DCC: variants seen among roughly 807,000 people sequenced by gnomAD.
DCC encodes netrin receptor DCC.
In DCC, 58 loss-of-function variants were observed where a neutral mutation model predicts 172.5. The ratio of observed to expected loss-of-function variants is 0.34; its 90% CI spans 0.27 to 0.42. The LOEUF (loss-of-function observed/expected upper bound fraction) is 0.42, where lower values mean the gene tolerates loss of function less well. Among genes scored for constraint, DCC ranks in the 10% least tolerant of loss-of-function variants. DCC has a pLI of 1.00. For synonymous variants in DCC, 709 were observed against 644.5 expected, an observed-to-expected ratio of 1.10 and a Z score of -1.52; for missense variants, 1,740 against 1,791.0, an observed-to-expected ratio of 0.97 and a Z score of 0.51.
intron 9 of DCC, among the ~76,000 whole-genome samples, chr18:53,184,362 C>T (rs2055246832): frequency 6.6e-6 from 1 of 152,018 alleles, no homozygotes; most frequent in Admixed American, 6.6e-5. Flanking sequence ...GAAGGAAATA[C>T]ATTCCAAGAA....
intron 7 of DCC, among the ~76,000 whole-genome samples, chr18:53,132,361 G>A (rs1394838166): frequency 1.3e-5 from 2 of 152,044 alleles, no homozygotes; most frequent in African/African-American, 4.8e-5. Flanking sequence ...GAGTCGACCT[G>A]AGCTGCTGTA....
chr18:52,858,146 T>A (rs1420498438), intron 2 of DCC, among the ~76,000 whole-genome samples: 1 of 152,238 alleles, frequency 6.6e-6, no homozygotes, highest in Non-Finnish European at 1.5e-5. Context: ...ATTTACTGCA[T>A]ACAGCAATCA....
At chr18:53,261,356 G>A (rs1236320526) in intron 12 of DCC, among the ~76,000 whole-genome samples, 1 of 152,170 alleles carries the variant, frequency 6.6e-6, no homozygotes, top group African/African-American at 2.4e-5. Flanking sequence ...ACACCCTCGT[G>A]AGGACGTTTT....
At chr18:52,611,134 C>G (rs55810244) in intron 1 of DCC, among the ~76,000 whole-genome samples, 1 of 151,858 alleles carries the variant, frequency 6.6e-6, no homozygotes, top group African/African-American at 2.4e-5. Flanking sequence ...CTTCAGTGAC[C>G]CCCCCCTCCT....
chr18:53,117,134 G>A (rs1568314611), intron 7 of DCC, among the ~76,000 whole-genome samples: 1 of 151,622 alleles, frequency 6.6e-6, no homozygotes, highest in African/African-American at 2.4e-5. Flanking sequence ...ATTCTCCATT[G>A]AAGGCATCCA....
intron 1 of DCC, among the ~76,000 whole-genome samples, chr18:52,670,127 G>A (rs774570214): frequency 3.3e-5 from 5 of 152,220 alleles, no homozygotes; most frequent in South Asian, 4.1e-4. Flanking sequence ...CCAAGATGAC[G>A]CAACCTCTGT....
chr18:52,998,210 C>T (rs552667213), intron 5 of DCC, among the ~76,000 whole-genome samples: 1 of 151,990 alleles, frequency 6.6e-6, no homozygotes, highest in Non-Finnish European at 1.5e-5. Flanking sequence ...AGAATATTTC[C>T]ATCACTGTGG....
At chr18:52,448,759 G>T (rs1988209225) in intron 1 of DCC, among the ~76,000 whole-genome samples, 1 of 152,202 alleles carries the variant, frequency 6.6e-6, no homozygotes, top group South Asian at 2.1e-4. Flanking sequence ...CATTCTGAAT[G>T]GAGTGAGTAA....
At chr18:53,049,340 C>T (rs775104523) in intron 5 of DCC, among the ~76,000 whole-genome samples, 6 of 152,050 alleles carry the variant, frequency 3.9e-5, no homozygotes, top group African/African-American at 1.4e-4. Flanking sequence ...AGTCTTTAAT[C>T]CATCTTGAGT....
Position 52,792,501 on chromosome 18 carries a change from T to A in DCC, c.412+40127T>A, listed in dbSNP as rs566877983. Among the ~76,000 whole-genome samples the A allele has an allele frequency of 2.0e-5, 3 of 152,244 alleles. No homozygotes were observed. The East Asian group carries it at 5.8e-4, about 30-fold the overall frequency. ...GTAGCCCCAGCCAGAAGTTCTCAGT[T>A]GCCCCAGGACTTCTTCCAGCCCCAT... On this transcript the variant is annotated intron_variant, in intron 2 of 28. Transcript: ENST00000442544.
intron 5 of DCC, among the ~76,000 whole-genome samples, chr18:53,016,665 A>G (rs1182580886): frequency 1.3e-5 from 2 of 152,092 alleles, no homozygotes; most frequent in Non-Finnish European, 2.9e-5. Flanking sequence ...TTATAATGGG[A>G]GTGAGAGTAC....
intron 1 of DCC, among the ~76,000 whole-genome samples, chr18:52,610,577 G>C (rs56105605): frequency 1.3e-5 from 2 of 151,694 alleles, no homozygotes; most frequent in Non-Finnish European, 2.9e-5. Flanking sequence ...ATATACAGCA[G>C]AACAATCGTT....
intron 1 of DCC, among the ~76,000 whole-genome samples, chr18:52,638,170 C>A (rs1009819264): frequency 3.3e-5 from 5 of 152,116 alleles, no homozygotes; most frequent in Non-Finnish European, 7.4e-5. Context: ...AAAAGGAGCT[C>A]TAAATCTTGA....
intron 11 of DCC, among the ~76,000 whole-genome samples, chr18:53,212,402 C>G (rs1321003294): frequency 1.3e-5 from 2 of 151,402 alleles, no homozygotes; most frequent in African/African-American, 4.9e-5. Context: ...TCTTCACTTT[C>G]ACCTAGCCCT....
At chr18:52,755,010 G>A (rs1205759412) in intron 2 of DCC, among the ~76,000 whole-genome samples, 5 of 152,184 alleles carry the variant, frequency 3.3e-5, no homozygotes, top group Non-Finnish European at 5.9e-5. Context: ...TGAGTATAAA[G>A]TGTAGAGAGA....
At position 52,343,964 on chromosome 18, in the gene DCC, T is replaced by C. The variant is rs558788883; in HGVS notation, c.91+3086T>C. 2.6e-5 allele frequency among the ~76,000 whole-genome samples: 4 copies of C among 152,300 alleles called. No homozygotes were observed. The East Asian group carries it at 7.7e-4, about 30-fold the overall frequency. ...AATCACCAGTACCTGTCAGTGTCCA[T>C]TTCCCACACAGCAGCAGCTGCCCTC... On this transcript the variant is annotated intron_variant, in intron 1 of 28. Coordinates refer to ENST00000442544, the MANE Select transcript of DCC (RefSeq NM_005215.4).
intron 5 of DCC, among the ~76,000 whole-genome samples, chr18:53,007,113 T>C (rs1156277558): frequency 6.6e-6 from 1 of 152,162 alleles, no homozygotes; most frequent in Admixed American, 6.5e-5. Flanking sequence ...GGCTGAAGTT[T>C]GTATGTACTC....
At position 53,205,375 on chromosome 18, in the gene DCC, G is replaced by A. The variant is rs1433979089; in HGVS notation, c.1722+11G>A. ...ACAGGAAAAGAACAGGTAGGTGAAG[G>A]AATGGACCACACTGCTTCCATCTGT... is the stretch of plus-strand genomic sequence containing the variant. On this transcript the variant is annotated intron_variant, in intron 10 of 28. Transcript: ENST00000442544. The A allele has an allele frequency of 3.7e-6, 6 of 1,613,042 alleles. No homozygotes were observed. Among genetic ancestry groups the A allele is most frequent in the Admixed American group, 3.3e-5 (2 of 59,974 alleles).
chr18:53,201,778 T>G (rs1362592446), intron 9 of DCC, among the ~76,000 whole-genome samples: 1 of 152,168 alleles, frequency 6.6e-6, no homozygotes, highest in Non-Finnish European at 1.5e-5. Flanking sequence ...GTCTCCTTTT[T>G]GGAACATAGA....
Sources: allele counts gnomAD v4.1 joint callset (sites outside exome capture counted in the v4.1 genomes callset), GRCh38; gene constraint gnomAD v4.1.1; transcripts MANE v1.5; gene names NCBI Gene and HGNC (gene_info 2026-07-23, HGNC 2026-07-21).